Variants in USP20 observed in about 807,000 individuals in gnomAD.
USP20 encodes ubiquitin specific peptidase 20.
Under a neutral mutation model 124.2 loss-of-function variants are expected in USP20, and 80 were observed. The ratio of observed to expected loss-of-function variants is 0.64; its 90% CI spans 0.54 to 0.78. The LOEUF (loss-of-function observed/expected upper bound fraction) is 0.78. Among genes scored for constraint, USP20 ranks in the 30% least tolerant of loss-of-function variants. The pLI, the probability that USP20 is intolerant of heterozygous loss-of-function variation, is 0.00. For missense variants in USP20, 1,043 were observed against 1,244.4 expected (o/e 0.84, Z 2.44); for synonymous variants, 481 against 512.3 (o/e 0.94, Z 0.83).
At position 129,839,732 on chromosome 9, in the gene USP20, G is replaced by A. The variant is rs1161213409; in HGVS notation, c.-129+4233G>A. ...GAAGTGTCGCCCTCCCCATCCTGAG[G>A]GACTGGTTCCTCGCTGGGAGGAGGA... is the stretch of plus-strand genomic sequence containing the variant. On this transcript the variant is annotated intron_variant, in intron 1 of 25. Coordinates refer to ENST00000372429, the MANE Select transcript of USP20 (RefSeq NM_001110303.4). This position sits in a 1 kb window ranked among gnomAD's most constrained non-coding sequence, Gnocchi z 4.5. Among the ~76,000 whole-genome samples, 1 of 152,048 alleles carries A rather than the reference G, an allele frequency of 6.6e-6. No individual in the cohort carries two copies. The highest frequency in any genetic ancestry group is 2.4e-5 in the African/African-American group (1 of 41,364).
intron 1 of USP20, among the ~76,000 whole-genome samples, chr9:129,847,324 A>G (rs1204773526): frequency 8.0e-6 from 1 of 124,524 alleles, no homozygotes; most frequent in Admixed American, 8.7e-5. Context: ...TTTTTTTTAG[A>G]TGGAGTCTTG....
intron 1 of USP20, among the ~76,000 whole-genome samples, chr9:129,841,707 C>T (rs1315942725): frequency 1.3e-5 from 2 of 152,188 alleles, no homozygotes; most frequent in African/African-American, 2.4e-5. Flanking sequence ...TGCCCCAGGA[C>T]AGGGAAGCTG....
At position 129,875,393 on chromosome 9, in the gene USP20, A is replaced by C; in HGVS notation, c.2132A>C (p.Tyr711Ser). The C allele has an allele frequency of 6.2e-7, 1 of 1,613,530 alleles. No individual in the cohort carries two copies. The highest frequency in any genetic ancestry group is 8.5e-7 in the Non-Finnish European group (1 of 1,179,972). Reference sequence around the variant, plus strand: ...CGGGAGCCCAGCCTGCTGCGGTTCTACGTGTCCCGCGAGTGGCTCAACAAG... The same window carrying C: ...CGGGAGCCCAGCCTGCTGCGGTTCTCCGTGTCCCGCGAGTGGCTCAACAAG... ...AMREPSLLRFYVSREWLNKFN... is the reference protein window; with the variant it reads ...AMREPSLLRFSVSREWLNKFN... Residue 711 changes from tyrosine to serine, a missense_variant, in exon 20 of 26, where the codon TAC becomes TCC. Coordinates refer to ENST00000372429, the MANE Select transcript of USP20 (RefSeq NM_001110303.4).
At chr9:129,844,070 G>A (rs2032393471) in intron 1 of USP20, among the ~76,000 whole-genome samples, 1 of 151,712 alleles carries the variant, frequency 6.6e-6, no homozygotes, top group African/African-American at 2.4e-5. Flanking sequence ...TTGTCTTTAA[G>A]CAAAACAAAA....
At chr9:129,876,104 GTC>G (rs1306284508) in intron 21 of USP20, 24 bp from the exon 22 acceptor site, 3 of 1,595,336 alleles carry the variant, frequency 1.9e-6, no homozygotes, top group Admixed American at 1.7e-5. Context: ...CTCAGGCCGT[GTC>G]TCTCTCTCCC....
chr9:129,837,958 T>C (rs1040915125), intron 1 of USP20, among the ~76,000 whole-genome samples: 1 of 152,216 alleles, frequency 6.6e-6, no homozygotes, highest in African/African-American at 2.4e-5. Flanking sequence ...TCTTAGCCTT[T>C]TACCTTAGCA....
intron 15 of USP20, among the ~76,000 whole-genome samples, chr9:129,871,052 T>C (rs1007827361): frequency 6.6e-6 from 1 of 152,194 alleles, no homozygotes; most frequent in Non-Finnish European, 1.5e-5. Flanking sequence ...ATGCTGTTTT[T>C]AACAGAAAGT....
At chr9:129,851,173 T>C (rs993377176) in intron 2 of USP20, among the ~76,000 whole-genome samples, 2 of 152,154 alleles carry the variant, frequency 1.3e-5, no homozygotes, top group African/African-American at 2.4e-5. Flanking sequence ...GAAATAATTA[T>C]AGATTCACAG....
At chr9:129,848,646 A>G (rs2032724770) in intron 1 of USP20, among the ~76,000 whole-genome samples, 1 of 142,570 alleles carries the variant, frequency 7.0e-6, no homozygotes, top group Non-Finnish European at 1.5e-5. Flanking sequence ...GAGTGAGACT[A>G]TCTCAAAAAA....
chr9:129,853,876 A>C (rs1458550913), intron 3 of USP20, among the ~76,000 whole-genome samples: 1 of 152,204 alleles, frequency 6.6e-6, no homozygotes, highest in Admixed American at 6.5e-5. Context: ...TAGTGCCTCT[A>C]GATCAGAGAC....
chr9:129,840,919 C>T (rs936166776), intron 1 of USP20, among the ~76,000 whole-genome samples: 4 of 151,920 alleles, frequency 2.6e-5, no homozygotes, highest in African/African-American at 7.3e-5. Flanking sequence ...TACAGGTGCC[C>T]ACAACCATGC....
intron 4 of USP20, 55 bp from the exon 5 acceptor site, chr9:129,857,995 G>A (rs377721410): frequency 1.3e-6 from 2 of 1,522,328 alleles, no homozygotes; most frequent in African/African-American, 1.4e-5. Context: ...GAGACACTGT[G>A]TTGACACCAT....
chr9:129,851,330 G>A (rs1257049508), intron 2 of USP20, among the ~76,000 whole-genome samples: 3 of 149,370 alleles, frequency 2.0e-5, no homozygotes, highest in African/African-American at 7.5e-5. Context: ...CATGGTCACG[G>A]CTCACTGCAG....
At chr9:129,861,463 T>G (rs2033543247) in intron 7 of USP20, 80 bp from the exon 8 acceptor site, 1 of 1,355,598 alleles carries the variant, frequency 7.4e-7, no homozygotes, top group Non-Finnish European at 1.1e-6. Context: ...AGCCACACCT[T>G]TGTGCCAAAT....
chr9:129,851,258 C>CTT (rs35791819), intron 2 of USP20, among the ~76,000 whole-genome samples: 10 of 126,240 alleles, frequency 7.9e-5, no homozygotes, highest in Admixed American at 1.6e-4. Flanking sequence ...ATAACACATA[C>CTT]TTTTTTTTTT....
intron 1 of USP20, among the ~76,000 whole-genome samples, chr9:129,843,999 T>C (rs2032389244): frequency 6.6e-6 from 1 of 151,802 alleles, no homozygotes; most frequent in Admixed American, 6.6e-5. Context: ...CCCAGGGAGG[T>C]AGAGGCTGCA....
chr9:129,860,519 T>G (rs2033487092), intron 6 of USP20, among the ~76,000 whole-genome samples: 1 of 152,012 alleles, frequency 6.6e-6, no homozygotes, highest in Admixed American at 6.5e-5. Flanking sequence ...ATCCTAACAC[T>G]TTGGGAGGAT....
Position 129,879,548 on chromosome 9 carries a change from C to T in USP20, c.2513-25C>T. ...GGTGGAGGGCATGGCAGGGGCTGAA[C>T]CCGAGCCCGCTGTGTCTGTTGCAGA... On this transcript the variant is annotated intron_variant, in intron 23 of 25. Coordinates refer to ENST00000372429, the MANE Select transcript of USP20 (RefSeq NM_001110303.4). The surrounding 1 kb of genome is among the most constrained non-coding windows in gnomAD (Gnocchi z 4.2). 2.5e-6 allele frequency: 4 copies of T among 1,612,002 alleles called. No individual in the cohort carries two copies. The highest frequency in any genetic ancestry group is 3.4e-6 in the Non-Finnish European group (4 of 1,179,082).
intron 1 of USP20, among the ~76,000 whole-genome samples, chr9:129,841,311 C>T (rs2032199270): frequency 6.6e-6 from 1 of 152,202 alleles, no homozygotes; most frequent in African/African-American, 2.4e-5. Flanking sequence ...CGGATTTTCT[C>T]ATCTCATAAA....
Sources: allele counts gnomAD v4.1 joint callset (sites outside exome capture counted in the v4.1 genomes callset), GRCh38; gene constraint gnomAD v4.1.1; non-coding constraint Gnocchi (gnomAD v3.1); transcripts MANE v1.5; gene names NCBI Gene and HGNC (gene_info 2026-07-23, HGNC 2026-07-21).